Variants in EHBP1 observed in about 807,000 individuals in gnomAD.
The protein encoded by EHBP1 is EH domain-binding protein 1.
EHBP1 carries 55 observed loss-of-function variants against 144.0 expected under a neutral mutation model. That is an observed-to-expected ratio of 0.38 (90% CI 0.31 to 0.48). The LOEUF is 0.48. EHBP1 is among the 20% of genes least tolerant of loss of function. The pLI, the probability that EHBP1 is intolerant of heterozygous loss-of-function variation, is 0.98. For missense variants in EHBP1, 1,200 were observed against 1,364.2 expected, an observed-to-expected ratio of 0.88 and a Z score of 1.90; for synonymous variants, 469 against 472.7, an observed-to-expected ratio of 0.99 and a Z score of 0.10.
At chr2:62,890,057 T>G (rs1158124075) in intron 10 of EHBP1, among the ~76,000 whole-genome samples, 1 of 149,530 alleles carries the variant, frequency 6.7e-6, no homozygotes, top group Non-Finnish European at 1.5e-5. Flanking sequence ...CGCCTCTGGG[T>G]TCAAGTGATT....
chr2:62,880,496 A>G (rs1253329724), intron 10 of EHBP1, among the ~76,000 whole-genome samples: 4 of 152,210 alleles, frequency 2.6e-5, no homozygotes, highest in African/African-American at 9.6e-5. Context: ...TTTTCCAACT[A>G]CATATCTGAG....
intron 5 of EHBP1, among the ~76,000 whole-genome samples, chr2:62,798,522 G>C (rs1327715870): frequency 6.6e-6 from 1 of 152,128 alleles, no homozygotes; most frequent in Non-Finnish European, 1.5e-5. Flanking sequence ...GTGTGATTCT[G>C]AGAAAGTCGA....
chr2:62,941,639 C>T, intron 10 of EHBP1, among the ~76,000 whole-genome samples: 1 of 152,010 alleles, frequency 6.6e-6, no homozygotes, highest in Non-Finnish European at 1.5e-5. Flanking sequence ...GTGGGGGCAT[C>T]ATTGATCTTT....
At chr2:62,781,129 A>G (rs1191335575) in intron 5 of EHBP1, among the ~76,000 whole-genome samples, 2 of 152,118 alleles carry the variant, frequency 1.3e-5, no homozygotes, top group East Asian at 3.8e-4. Context: ...GAGTGGGGAA[A>G]CAGGCAACCA....
At chr2:62,790,470 A>C (rs1417194937) in intron 5 of EHBP1, among the ~76,000 whole-genome samples, 2 of 152,156 alleles carry the variant, frequency 1.3e-5, no homozygotes, top group Non-Finnish European at 2.9e-5. Flanking sequence ...TGTTGGTGGC[A>C]TGTTTAAACA....
At position 62,937,970 on chromosome 2, in the gene EHBP1, T is replaced by A. The variant is rs7602079; in HGVS notation, c.1186-4748T>A. 2.2e-3 allele frequency among the ~76,000 whole-genome samples: 330 copies of A among 152,214 alleles called. 1 individual carries two copies. Among genetic ancestry groups the A allele is most frequent in the African/African-American group, 7.8e-3 (325 of 41,518 alleles). ...AGAAGAAAGACCTATTAGGAAGATT[T>A]TGCAGTGGTGAAAGGAGATAGATTA... On this transcript the variant is annotated intron_variant, in intron 10 of 22. Coordinates refer to ENST00000431489, the MANE Select transcript of EHBP1 (RefSeq NM_001142616.3).
intron 5 of EHBP1, among the ~76,000 whole-genome samples, chr2:62,813,536 C>G (rs1193691170): frequency 6.6e-6 from 1 of 152,148 alleles, no homozygotes; most frequent in Non-Finnish European, 1.5e-5. Context: ...TACGCCGAAA[C>G]TGTGAGCTAC....
chr2:63,035,217 G>A (rs183359736), intron 19 of EHBP1, among the ~76,000 whole-genome samples: 9 of 152,092 alleles, frequency 5.9e-5, no homozygotes, highest in African/African-American at 9.6e-5. Context: ...ATGAGGTTAC[G>A]TATAGATGTC....
chr2:62,823,248 C>G (rs749910159), intron 5 of EHBP1, among the ~76,000 whole-genome samples: 4 of 152,076 alleles, frequency 2.6e-5, no homozygotes, highest in African/African-American at 4.8e-5. Flanking sequence ...GAAAATACTG[C>G]CAGATGCACA....
intron 5 of EHBP1, among the ~76,000 whole-genome samples, chr2:62,820,549 G>T (rs1006281294): frequency 1.3e-5 from 2 of 151,006 alleles, no homozygotes; most frequent in African/African-American, 4.9e-5. Context: ...CCTGGTAACC[G>T]CTATTCTGCT....
chr2:63,029,999 G>A (rs2061165093), intron 19 of EHBP1, among the ~76,000 whole-genome samples: 1 of 152,158 alleles, frequency 6.6e-6, no homozygotes, highest in Non-Finnish European at 1.5e-5. Flanking sequence ...CCAAAGTGCT[G>A]GGATTACAGG....
At chr2:62,975,456 G>T (rs899067110) in intron 14 of EHBP1, among the ~76,000 whole-genome samples, 1 of 152,158 alleles carries the variant, frequency 6.6e-6, no homozygotes, top group Non-Finnish European at 1.5e-5. Context: ...AAATACAGTT[G>T]GCTGCAGCAT....
intron 1 of EHBP1, among the ~76,000 whole-genome samples, chr2:62,695,537 C>T (rs1488542220): frequency 6.6e-6 from 1 of 152,000 alleles, no homozygotes; most frequent in Non-Finnish European, 1.5e-5. Context: ...ATTAGATGAA[C>T]CAGTAATTGA....
intron 5 of EHBP1, among the ~76,000 whole-genome samples, chr2:62,804,928 C>G (rs930923864): frequency 6.6e-6 from 1 of 152,186 alleles, no homozygotes; most frequent in Non-Finnish European, 1.5e-5. Flanking sequence ...TGAGGTGGAA[C>G]AGTTTCATCC....
At chr2:62,908,935 G>T (rs2053997961) in intron 10 of EHBP1, among the ~76,000 whole-genome samples, 1 of 152,102 alleles carries the variant, frequency 6.6e-6, no homozygotes, top group Non-Finnish European at 1.5e-5. Context: ...CCAGTGGTTG[G>T]CACTTAGTAA....
intron 5 of EHBP1, among the ~76,000 whole-genome samples, chr2:62,817,141 A>G (rs986729414): frequency 5.3e-5 from 8 of 152,330 alleles, no homozygotes; most frequent in East Asian, 3.9e-4. Flanking sequence ...GCTATATGCT[A>G]TGGCTCTAGG....
intron 8 of EHBP1, among the ~76,000 whole-genome samples, chr2:62,863,362 G>A (rs1228107827): frequency 1.3e-5 from 2 of 151,892 alleles, no homozygotes; most frequent in African/African-American, 4.8e-5. Flanking sequence ...GGGAGGCCGA[G>A]GCAGGTGGAT....
intron 10 of EHBP1, among the ~76,000 whole-genome samples, chr2:62,941,299 A>G (rs1348185710): frequency 2.0e-5 from 3 of 152,106 alleles, no homozygotes; most frequent in South Asian, 4.1e-4. Context: ...ATTGCTAGTT[A>G]GCTATTATTT....
intron 19 of EHBP1, 62 bp downstream of exon 19, chr2:62,996,828 G>C: frequency 6.3e-7 from 1 of 1,581,970 alleles, no homozygotes; most frequent in Non-Finnish European, 8.5e-7. Context: ...AACTCTTATA[G>C]AGTTTTGGAA....
Sources: gnomAD v4.1 joint callset for allele counts (sites outside exome capture counted in the v4.1 genomes callset) on GRCh38, gnomAD v4.1.1 for gene constraint, MANE v1.5 for transcripts, NCBI Gene and HGNC (gene_info 2026-07-23, HGNC 2026-07-21) for gene names.